The following SLC30A2 variants were observed in gnomAD, a reference collection of about 807,000 sequenced individuals.
The protein encoded by SLC30A2 is proton-coupled zinc antiporter SLC30A2.
Under a neutral mutation model 39.6 loss-of-function variants are expected in SLC30A2, and 19 were observed. The ratio of observed to expected loss-of-function variants is 0.48; its 90% confidence interval spans 0.34 to 0.70. The LOEUF is 0.70. Among genes scored for constraint, SLC30A2 ranks in the 30% least tolerant of loss-of-function variants. The pLI is 0.01. For synonymous variants in SLC30A2, 195 were observed against 194.8 expected (o/e 1.00, Z -0.01); for missense variants, 387 against 479.4 (o/e 0.81, Z 1.80).
chr1:26,044,577 C>T (rs188820561), intron 2 of SLC30A2, 133 bp from the exon 3 acceptor site: 28 of 816,346 alleles, frequency 3.4e-5, no homozygotes, highest in African/African-American at 6.9e-5. Flanking sequence ...GCTGTACCAC[C>T]GTGACAAGTG....
At position 26,044,444 on chromosome 1, in the gene SLC30A2, C is replaced by T. The variant is rs1352463456; in HGVS notation, c.272G>A (p.Gly91Asp). The change falls in exon 3 of 8, where the codon GGT becomes GAT. Residue 91 changes from glycine to aspartate, a missense_variant and splice_region_variant. Gly to Asp is a moderately conservative substitution (Grantham distance 94, BLOSUM62 -1). Coordinates refer to ENST00000374276, the MANE Select transcript of SLC30A2 (RefSeq NM_001004434.3). The part of the protein sequence containing the change: ...CLLFMIGEVV[G>D]GYLAHSLAVM... ...AGCCAAGCTGTGTGCCAGGTACCCACCTGCAGGGTGGAGGGTCCTTATCAG... is the reference window on the plus strand; with the variant it reads ...AGCCAAGCTGTGTGCCAGGTACCCATCTGCAGGGTGGAGGGTCCTTATCAG... 7 of 1,613,278 alleles carry T rather than the reference C, an allele frequency of 4.3e-6. No homozygotes were observed. Among genetic ancestry groups the T allele is most frequent in the Non-Finnish European group, 5.9e-6 (7 of 1,179,784 alleles).
chr1:26,040,961 G>A (rs1165610667), intron 6 of SLC30A2, among the ~76,000 whole-genome samples: 1 of 151,002 alleles, frequency 6.6e-6, no homozygotes, highest in Non-Finnish European at 1.5e-5. Context: ...GCCAGACATG[G>A]TGGCATGCGC....
In SLC30A2 at chr1:26,039,377, T is replaced by C; in HGVS notation, c.974-72A>G. The C allele has an allele frequency of 8.7e-7, 1 of 1,144,392 alleles. No individual in the cohort carries two copies. Among genetic ancestry groups the C allele is most frequent in the Non-Finnish European group, 1.3e-6 (1 of 776,568 alleles). 70.9% of individuals were successfully genotyped at this position (1,144,392 alleles called of 1,614,324 possible). On this transcript the variant is annotated intron_variant, in intron 7 of 7. Transcript: ENST00000374276. The surrounding 1 kb of genome is among the most constrained non-coding windows in gnomAD (Gnocchi z 4.3). Reference sequence around the variant, plus strand: ...TTTGGAACCATCAGGAGCCCAAATCTCATACCCCATCCCCAGCAGAACAGG... The same window carrying C: ...TTTGGAACCATCAGGAGCCCAAATCCCATACCCCATCCCCAGCAGAACAGG...
In SLC30A2 at chr1:26,038,179, A is replaced by G. The variant is rs1056652210; in HGVS notation, c.*981T>C. The G allele has an allele frequency of 6.6e-6, 1 of 152,194 alleles. No homozygotes were observed. Among genetic ancestry groups the G allele is most frequent in the African/African-American group, 2.4e-5 (1 of 41,434 alleles). The allele number at this position is 152,194 out of a possible 1,614,324, so 9.4% of individuals were successfully genotyped here. ...ACACAGGACTCCCTGATAACTGGGC[A>G]TGTTGTCTCGATGAGTCGGGGACAG... On this transcript the variant is annotated 3_prime_UTR_variant, in exon 8 of 8. Transcript: ENST00000374276.
rs1214860813 is a variant in SLC30A2 at position 26,046,049 on chromosome 1, C to A, written c.-153G>T. Reference sequence around the variant, plus strand: ...GCCCGGCTCCTGCGGCCCCTGAGCTCCCCCGGCTCCCGCTGCGGCTGCAGC... The same window carrying A: ...GCCCGGCTCCTGCGGCCCCTGAGCTACCCCGGCTCCCGCTGCGGCTGCAGC... On this transcript the variant is annotated 5_prime_UTR_variant, in exon 1 of 8. Coordinates refer to ENST00000374276, the MANE Select transcript of SLC30A2 (RefSeq NM_001004434.3). The surrounding 1 kb of genome is among the most constrained non-coding windows in gnomAD (Gnocchi z 4.4). The A allele has an allele frequency of 3.0e-6, 4 of 1,337,074 alleles. No individual in the cohort carries two copies. Among genetic ancestry groups the A allele is most frequent in the South Asian group, 1.9e-5 (1 of 52,428 alleles). The allele number at this position is 1,337,074 out of a possible 1,614,324, so 82.8% of individuals were successfully genotyped here.
chr1:26,045,181 G>C lies in SLC30A2; in HGVS notation c.87C>G (p.Gly29=), dbSNP rs764010444. The C allele has an allele frequency of 6.2e-7, 1 of 1,612,254 alleles. No individual in the cohort carries two copies. The highest frequency in any genetic ancestry group is 1.1e-5 in the South Asian group (1 of 91,026). ...YTGSLWQEGA[G]WIPLPRPGLD... is the part of the protein sequence containing the mutation. ...GGCCAGGTCGGGGCAGAGGAATCCAGCCAGCCCCTTCCTGCCACAGAGATC... is the reference window on the plus strand; with the variant it reads ...GGCCAGGTCGGGGCAGAGGAATCCACCCAGCCCCTTCCTGCCACAGAGATC... The change falls in exon 2 of 8, where the codon GGC becomes GGG. Residue 29 remains glycine (G), a synonymous_variant. Coordinates refer to ENST00000374276, the MANE Select transcript of SLC30A2 (RefSeq NM_001004434.3).
At position 26,039,152 on chromosome 1, in the gene SLC30A2, C is replaced by T. The variant is rs768667358; in HGVS notation, c.*8G>A. 4 of 1,612,654 alleles carry T rather than the reference C, an allele frequency of 2.5e-6. No individual in the cohort carries two copies. The African/African-American group carries it at 5.3e-5, about 22-fold the overall frequency. ...TGTTCATGCCCCAGTTGGTGCCTGG[C>T]TGAGCAGTCAGTCTGAGGGGCCCTG... On this transcript the variant is annotated 3_prime_UTR_variant, in exon 8 of 8. Transcript: ENST00000374276. This position sits in a 1 kb window ranked among gnomAD's most constrained non-coding sequence, Gnocchi z 4.3.
chr1:26,039,713 G>A lies in SLC30A2; in HGVS notation c.973+64C>T, dbSNP rs2050376394. 2 of 1,557,068 alleles carry A rather than the reference G, an allele frequency of 1.3e-6. No homozygotes were observed. The highest frequency in any genetic ancestry group is 1.7e-6 in the Non-Finnish European group (2 of 1,142,932). On this transcript the variant is annotated intron_variant, in intron 7 of 7. Transcript: ENST00000374276. This position sits in a 1 kb window ranked among gnomAD's most constrained non-coding sequence, Gnocchi z 4.3. ...GCATCTGGGGTCACCTGGACCCGTT[G>A]GGGATGGCACTAGGCCTTTGGCTGC...
chr1:26,045,917 GGCAGCCGC>G lies in SLC30A2; in HGVS notation c.-29_-22del, dbSNP rs1029159636. On this transcript the variant is annotated 5_prime_UTR_variant, in exon 1 of 8. Transcript: ENST00000374276. ...TCCATGCAGTCCCGCGCCGAGTCCC[GGCAGCCGC>G]GCAGCCGCCCCGCCGAGTGCGCCCT... The G allele has an allele frequency of 3.1e-6, 5 of 1,607,750 alleles. No individual in the cohort carries two copies. The highest frequency in any genetic ancestry group is 4.2e-6 in the Non-Finnish European group (5 of 1,179,110).
chr1:26,039,747 C>T lies in SLC30A2; in HGVS notation c.973+30G>A, dbSNP rs754005507. Reference sequence around the variant, plus strand: ...ACTAGGCCTTTGGCTGCCTGTCTCCCACCCCACCCTGAGTGTCCCAAGCAC... The same window carrying T: ...ACTAGGCCTTTGGCTGCCTGTCTCCTACCCCACCCTGAGTGTCCCAAGCAC... On this transcript the variant is annotated intron_variant, in intron 7 of 7. Coordinates refer to ENST00000374276, the MANE Select transcript of SLC30A2 (RefSeq NM_001004434.3). The surrounding 1 kb of genome is among the most constrained non-coding windows in gnomAD (Gnocchi z 4.3). The T allele has an allele frequency of 6.9e-6, 11 of 1,603,686 alleles. No homozygotes were observed. Among genetic ancestry groups the T allele is most frequent in the Non-Finnish European group, 9.4e-6 (11 of 1,172,840 alleles).
chr1:26,043,433 C>A lies in SLC30A2; in HGVS notation c.537G>T (p.Leu179=), dbSNP rs551037543. The A allele has an allele frequency of 4.6e-5, 74 of 1,614,196 alleles. 1 individual carries two copies. The South Asian group carries it at 7.7e-4, about 17-fold the overall frequency. Residue 179 remains leucine (L), a synonymous_variant, in exon 4 of 8, where the codon CTG becomes CTT. Coordinates refer to ENST00000374276, the MANE Select transcript of SLC30A2 (RefSeq NM_001004434.3). ...GDYEIDGGTM[L]ITSGCAVAVN... is the part of the protein sequence containing the mutation. Reference sequence around the variant, plus strand: ...CAGCCACAGCGCAGCCCGACGTGATCAGCATGGTCCCCCCGTCAATTTCAT... The same window carrying A: ...CAGCCACAGCGCAGCCCGACGTGATAAGCATGGTCCCCCCGTCAATTTCAT...
intron 1 of SLC30A2, 128 bp downstream of exon 1, chr1:26,045,719 C>T (rs1053650029): frequency 6.8e-7 from 1 of 1,474,894 alleles, no homozygotes; most frequent in African/African-American, 1.4e-5. Flanking sequence ...GTTCCCTCAC[C>T]TCACCCCACC....
intron 1 of SLC30A2, 88 bp downstream of exon 1, chr1:26,045,759 G>T: frequency 6.2e-7 from 1 of 1,605,562 alleles, no homozygotes; most frequent in Admixed American, 1.7e-5. Context: ...TCAAGCCGCA[G>T]CCAAAACCAA....
intron 2 of SLC30A2, 66 bp from the exon 3 acceptor site, chr1:26,044,510 G>A: frequency 6.7e-7 from 1 of 1,502,986 alleles, no homozygotes; most frequent in African/African-American, 1.4e-5. Flanking sequence ...GTGTGCAGCA[G>A]GGAGACCACA....
At chr1:26,040,018 A>T in intron 6 of SLC30A2, 107 bp from the exon 7 acceptor site, 12 of 1,272,608 alleles carry the variant, frequency 9.4e-6, no homozygotes, top group African/African-American at 1.5e-5. Context: ...CTCAAAGAAG[A>T]CCTCTTTGGC....
chr1:26,037,686 C>G lies in SLC30A2; in HGVS notation c.*1474G>C, dbSNP rs1215668986. The G allele has an allele frequency of 6.6e-6, 1 of 152,194 alleles. No individual in the cohort carries two copies. Among genetic ancestry groups the G allele is most frequent in the East Asian group, 1.9e-4 (1 of 5,194 alleles). 9.4% of individuals were successfully genotyped at this position (152,194 alleles called of 1,614,324 possible). On this transcript the variant is annotated 3_prime_UTR_variant, in exon 8 of 8. Transcript: ENST00000374276. ...TGTGGTGGAATGGAGCACCCACCAG[C>G]AACCCCCCACCCCTCTCCAGGCCAG...
At position 26,039,640 on chromosome 1, in the gene SLC30A2, G is replaced by C; in HGVS notation, c.973+137C>G. ...TTGTGCTGATCAGATGGAATAATGC[G>C]TATCAAGTACTCAGCATGAGGCTGG... On this transcript the variant is annotated intron_variant, in intron 7 of 7. Coordinates refer to ENST00000374276, the MANE Select transcript of SLC30A2 (RefSeq NM_001004434.3). The surrounding 1 kb of genome is among the most constrained non-coding windows in gnomAD (Gnocchi z 4.3). 1 of 825,600 alleles carries C rather than the reference G, an allele frequency of 1.2e-6. No individual in the cohort carries two copies. 51.1% of individuals were successfully genotyped at this position (825,600 alleles called of 1,614,324 possible). A position where few individuals can be genotyped will look rare whatever the true frequency, so the allele number is the denominator to read the frequency against.
In SLC30A2 at chr1:26,039,396, G is replaced by T; in HGVS notation, c.974-91C>A. ...CAAATCTCATACCCCATCCCCAGCA[G>T]AACAGGATGGGGGACCATGAACATG... On this transcript the variant is annotated intron_variant, in intron 7 of 7. Coordinates refer to ENST00000374276, the MANE Select transcript of SLC30A2 (RefSeq NM_001004434.3). The surrounding 1 kb of genome is among the most constrained non-coding windows in gnomAD (Gnocchi z 4.3). 3.1e-6 allele frequency: 3 copies of T among 958,528 alleles called. No homozygotes were observed. The highest frequency in any genetic ancestry group is 2.2e-5 in the Admixed American group (1 of 45,684). 59.4% of individuals were successfully genotyped at this position (958,528 alleles called of 1,614,324 possible). A position where few individuals can be genotyped will look rare whatever the true frequency, so the allele number is the denominator to read the frequency against.
rs770656320 is a variant in SLC30A2 at position 26,042,641 on chromosome 1, TCTC to T, written c.637_639del (p.Glu213del). ...ATGAAGGCAGCTCGGACGCTGGGGTTCTCCTCCTGCTGGTTGGTGGTGCCGTGG... is the reference window on the plus strand; with the variant it reads ...ATGAAGGCAGCTCGGACGCTGGGGTTCTCCTGCTGGTTGGTGGTGCCGTGG... On this transcript the variant is annotated inframe_deletion, in exon 5 of 8. Coordinates refer to ENST00000374276, the MANE Select transcript of SLC30A2 (RefSeq NM_001004434.3). The T allele has an allele frequency of 7.7e-5, 124 of 1,614,164 alleles. No homozygotes were observed. The African/African-American group carries it at 1.5e-3, about 19-fold the overall frequency.
Sources: gnomAD v4.1 joint callset for allele counts (sites outside exome capture counted in the v4.1 genomes callset) on GRCh38, gnomAD v4.1.1 for gene constraint, Gnocchi (gnomAD v3.1) non-coding constraint, MANE v1.5 for transcripts, NCBI Gene and HGNC (gene_info 2026-07-23, HGNC 2026-07-21) for gene names.